Variants in NKD2 observed in about 807,000 individuals in gnomAD.
The protein encoded by NKD2 is protein naked cuticle homolog 2.
NKD2 carries 43 observed loss-of-function variants against 34.8 expected under a neutral mutation model. That is an observed-to-expected ratio of 1.24 (90% CI 0.97 to 1.60). The LOEUF is 1.60. Ranked by LOEUF, NKD2 falls within the 40% of genes most tolerant of loss-of-function variation. The pLI, the probability that NKD2 is intolerant of heterozygous loss-of-function variation, is 0.00. For synonymous variants in NKD2, 278 were observed against 265.1 expected (o/e 1.05, Z -0.47); for missense variants, 675 against 627.1 (o/e 1.08, Z -0.82).
chr5:1,020,704 A>T (rs1170133735), intron 3 of NKD2, among the ~76,000 whole-genome samples: 12 of 72,398 alleles, frequency 1.7e-4, no homozygotes, highest in East Asian at 4.4e-4. Flanking sequence ...CATGTGTTTT[A>T]CGTTGGGGTT....
intron 6 of NKD2, 106 bp downstream of exon 6, chr5:1,034,436 T>A: frequency 1.1e-6 from 1 of 918,524 alleles, no homozygotes; most frequent in Non-Finnish European, 1.7e-6. Flanking sequence ...ACCTGCCTGC[T>A]GCGAGGTCCT....
intron 7 of NKD2, among the ~76,000 whole-genome samples, chr5:1,035,154 TAATG>T (rs562932720): frequency 1.1e-3 from 167 of 149,538 alleles, no homozygotes; most frequent in South Asian, 2.8e-3. Flanking sequence ...ATGAATGAGT[TAATG>T]AATGAGTGAG....
At chr5:1,037,287 AG>A (rs1382464223) in intron 9 of NKD2, among the ~76,000 whole-genome samples, 1 of 152,050 alleles carries the variant, frequency 6.6e-6, no homozygotes, top group Non-Finnish European at 1.5e-5. Flanking sequence ...CAGGGGCAGG[AG>A]GGGTGGAGCT....
intron 3 of NKD2, among the ~76,000 whole-genome samples, chr5:1,019,975 G>A (rs1271137613): frequency 1.3e-5 from 2 of 152,158 alleles, no homozygotes; most frequent in Non-Finnish European, 2.9e-5. Flanking sequence ...GCAGCAGTTC[G>A]GAAGTTCAGG....
chr5:1,009,532 AAGCGGAGCGGCGCGCG>A lies in NKD2; in HGVS notation c.114_129del (p.Glu38AspfsTer129). ...GCGAGCGGCCGCAAAGGCGCGGAGGAAGCGGAGCGGCGCGCGCGGGACAAGCAGGTAGGCGGCGGGG... is the reference window on the plus strand; with the variant it reads ...GCGAGCGGCCGCAAAGGCGCGGAGGACGGGACAAGCAGGTAGGCGGCGGGG... On this transcript the variant is annotated frameshift_variant, in exon 3 of 10. Coordinates refer to ENST00000296849, the MANE Select transcript of NKD2 (RefSeq NM_033120.4). LOFTEE classifies it high-confidence loss of function. This position sits in a 1 kb window ranked among gnomAD's most constrained non-coding sequence, Gnocchi z 6.9. 6.7e-7 allele frequency: 1 copy of A among 1,493,582 alleles called. No homozygotes were observed. The highest frequency in any genetic ancestry group is 8.8e-7 in the Non-Finnish European group (1 of 1,130,570). 92.5% of individuals were successfully genotyped at this position (1,493,582 alleles called of 1,614,324 possible).
chr5:1,030,156 G>A (rs1756589028), intron 3 of NKD2, among the ~76,000 whole-genome samples: 1 of 152,202 alleles, frequency 6.6e-6, no homozygotes, highest in African/African-American at 2.4e-5. Context: ...AGCATTTAGG[G>A]TCACCTTCCC....
rs879076311 is a variant in NKD2 at position 1,038,485 on chromosome 5, A to G, written c.*112A>G. The G allele has an allele frequency of 6.6e-7, 1 of 1,521,960 alleles. No homozygotes were observed. The highest frequency in any genetic ancestry group is 1.5e-5 in the African/African-American group (1 of 68,162). 94.3% of individuals were successfully genotyped at this position (1,521,960 alleles called of 1,614,324 possible). ...ATGGGGAGCCCAGCCCCCACCCCCC[A>G]CCTCCGACAGCAAACAGCAACTGAC... On this transcript the variant is annotated 3_prime_UTR_variant, in exon 10 of 10. Transcript: ENST00000296849. This position sits in a 1 kb window ranked among gnomAD's most constrained non-coding sequence, Gnocchi z 4.5.
rs73731128 is a variant in NKD2 at position 1,015,702 on chromosome 5, A to G, written c.141+6142A>G. On this transcript the variant is annotated intron_variant, in intron 3 of 9. Transcript: ENST00000296849. ...GGTCCTGCCCGCACATGCTGCCGCC[A>G]GCATTTCAGGGTGGGCTGCTCCCAG... Among the ~76,000 whole-genome samples, 548 of 152,320 alleles carry G rather than the reference A, an allele frequency of 3.6e-3. 4 individuals are homozygous for G. The highest frequency in any genetic ancestry group is 0.013 in the African/African-American group (522 of 41,564).
At position 1,030,504 on chromosome 5, in the gene NKD2, T is replaced by C. The variant is rs545221417; in HGVS notation, c.142-1648T>C. ...GCTCTGGGCACTGCTCTGCACTCCA[T>C]GGAAGCCCACGACTGCAGCCTCACC... On this transcript the variant is annotated intron_variant, in intron 3 of 9. Coordinates refer to ENST00000296849, the MANE Select transcript of NKD2 (RefSeq NM_033120.4). Among the ~76,000 whole-genome samples the C allele has an allele frequency of 9.5e-4, 144 of 152,298 alleles. 3 individuals carry two copies. The highest frequency in any genetic ancestry group is 3.4e-3 in the African/African-American group (141 of 41,558).
At chr5:1,035,090 GAAT>G (rs1733797343) in intron 7 of NKD2, among the ~76,000 whole-genome samples, 187 bp downstream of exon 7, 1 of 152,202 alleles carries the variant, frequency 6.6e-6, no homozygotes, top group African/African-American at 2.4e-5. Flanking sequence ...GCAGATTAAT[GAAT>G]GAATGAACAA....
chr5:1,012,378 A>G (rs1484774954), intron 3 of NKD2, among the ~76,000 whole-genome samples: 1 of 152,220 alleles, frequency 6.6e-6, no homozygotes, highest in Non-Finnish European at 1.5e-5. Flanking sequence ...TCTTGCCCAC[A>G]TCTGCAGGAG....
chr5:1,031,949 C>A (rs1381997902), intron 3 of NKD2, among the ~76,000 whole-genome samples: 1 of 152,224 alleles, frequency 6.6e-6, no homozygotes, highest in Non-Finnish European at 1.5e-5. Context: ...CCTGACAACA[C>A]AGGAATGTCT....
intron 8 of NKD2, chr5:1,035,738 T>C (rs1733873010): frequency 3.9e-6 from 2 of 511,900 alleles, no homozygotes; most frequent in Non-Finnish European, 6.9e-6. Flanking sequence ...CTGGACTTGC[T>C]GTGGCTCACT....
rs1285292585 is a variant in NKD2, at chr5:1,038,495, G to A, written c.*122G>A. On this transcript the variant is annotated 3_prime_UTR_variant, in exon 10 of 10. Transcript: ENST00000296849. The surrounding 1 kb of genome is among the most constrained non-coding windows in gnomAD (Gnocchi z 4.5). ...CAGCCCCCACCCCCCACCTCCGACA[G>A]CAAACAGCAACTGACTGCAGGTGCT... is the stretch of plus-strand genomic sequence containing the variant. The A allele has an allele frequency of 3.6e-5, 55 of 1,516,726 alleles. No individual in the cohort carries two copies. The highest frequency in any genetic ancestry group is 4.7e-5 in the Non-Finnish European group (53 of 1,137,660). The allele number at this position is 1,516,726 out of a possible 1,614,324, so 94.0% of individuals were successfully genotyped here.
Position 1,036,466 on chromosome 5 carries a change from C to T in NKD2, c.787+82C>T, listed in dbSNP as rs530922394. The T allele has an allele frequency of 3.2e-3, 3,850 of 1,186,086 alleles. 31 individuals are homozygous for T. Among genetic ancestry groups the T allele is most frequent in the Non-Finnish European group, 2.8e-3 (2,291 of 829,416 alleles). The allele number at this position is 1,186,086 out of a possible 1,614,324, so 73.5% of individuals were successfully genotyped here. On this transcript the variant is annotated intron_variant, in intron 9 of 9. Transcript: ENST00000296849. Reference sequence around the variant, plus strand: ...GTCTTGATTCCCACAGCCCTGAGTGCAGGGGGCCCCTCCCTGCCCTGCCCC... The same window carrying T: ...GTCTTGATTCCCACAGCCCTGAGTGTAGGGGGCCCCTCCCTGCCCTGCCCC...
chr5:1,019,943 T>C (rs1756109228), intron 3 of NKD2, among the ~76,000 whole-genome samples: 1 of 152,194 alleles, frequency 6.6e-6, no homozygotes, highest in Non-Finnish European at 1.5e-5. Flanking sequence ...TTCAGCCTCC[T>C]CTGAGTGGGG....
At chr5:1,021,812 A>G (rs1031436442) in intron 3 of NKD2, among the ~76,000 whole-genome samples, 1 of 151,896 alleles carries the variant, frequency 6.6e-6, no homozygotes, top group Non-Finnish European at 1.5e-5. Flanking sequence ...CATTTTGGAG[A>G]GGCTTCTTTG....
intron 3 of NKD2, among the ~76,000 whole-genome samples, chr5:1,022,248 A>C (rs1756228622): frequency 1.5e-5 from 2 of 135,460 alleles, no homozygotes; most frequent in Non-Finnish European, 3.2e-5. Flanking sequence ...TGCTCTTCCC[A>C]CCCGCTGTGG....
chr5:1,010,610 A>T (rs950423131), intron 3 of NKD2, among the ~76,000 whole-genome samples: 1 of 152,158 alleles, frequency 6.6e-6, no homozygotes, highest in Non-Finnish European at 1.5e-5. Context: ...GCTGTAAGGT[A>T]CAGTAAGTTG....
Sources: allele counts gnomAD v4.1 joint callset (sites outside exome capture counted in the v4.1 genomes callset), GRCh38; gene constraint gnomAD v4.1.1; non-coding constraint Gnocchi (gnomAD v3.1); transcripts MANE v1.5; gene names NCBI Gene and HGNC (gene_info 2026-07-23, HGNC 2026-07-21).